Variants in NPHP1 observed in about 807,000 individuals in gnomAD.
NPHP1 encodes the protein nephrocystin-1.
NPHP1 carries 70 observed loss-of-function variants against 90.4 expected under a neutral mutation model. That is an observed-to-expected ratio of 0.77 (90% CI 0.64 to 0.95). The LOEUF (loss-of-function observed/expected upper bound fraction) is 0.95. NPHP1 is among the 40% of genes least tolerant of loss of function. The probability of loss-of-function intolerance (pLI) is 0.00; values close to 1 mark genes in which losing one functional copy is unlikely to be tolerated. For missense variants in NPHP1, 764 were observed against 795.9 expected (o/e 0.96, Z 0.48); for synonymous variants, 256 against 271.7 (o/e 0.94, Z 0.57).
chr2:110,176,093 C>A (rs1205552710), intron 4 of NPHP1, among the ~76,000 whole-genome samples: 1 of 151,972 alleles, frequency 6.6e-6, no homozygotes, highest in Non-Finnish European at 1.5e-5. Context: ...CTCTATTCAT[C>A]TTATCAATCT....
chr2:110,123,986 GC>G lies in NPHP1; in HGVS notation c.1838del (p.Arg613ProfsTer60). 1 of 1,614,106 alleles carries G rather than the reference GC, an allele frequency of 6.2e-7. No individual in the cohort carries two copies. The highest frequency in any genetic ancestry group is 8.5e-7 in the Non-Finnish European group (1 of 1,179,938). On this transcript the variant is annotated frameshift_variant, in exon 20 of 20. Coordinates refer to ENST00000445609, the MANE Select transcript of NPHP1 (RefSeq NM_001128178.3). LOFTEE classifies it high-confidence loss of function. Reference protein sequence around the residue: ...DCVLPLLHSTRLPPFRWAEEE... With the variant: ...DCVLPLLHSTXLPPFRWAEEE... The stretch of plus-strand genomic sequence containing the variant: ...CTTCTGCCCACCTGAATGGGGGTAG[GC>G]GTGTGGAGTGGAGAAGTGGGAGCAC...
intron 6 of NPHP1, among the ~76,000 whole-genome samples, chr2:110,167,549 A>G (rs1682803923): frequency 6.6e-6 from 1 of 152,140 alleles, no homozygotes; most frequent in South Asian, 2.1e-4. Flanking sequence ...ACCCCCAACC[A>G]ATACCTCACT....
rs1325432866 is a variant in NPHP1, at chr2:110,165,060, A to C, written c.720T>G (p.Val240=). The change falls in exon 7 of 20, where the codon GTT becomes GTG. Residue 240 remains valine (V), a synonymous_variant. Coordinates refer to ENST00000445609, the MANE Select transcript of NPHP1 (RefSeq NM_001128178.3). ...AVDETADGAE[V]KQRTDPHWSA... is the part of the protein sequence containing the mutation. ...CTTTCCCACTTTTGTACCTTTGCTT[A>C]ACTTCTGCTCCATCTGCTGTTTCAT... 4.3e-6 allele frequency: 7 copies of C among 1,612,658 alleles called. No homozygotes were observed. The highest frequency in any genetic ancestry group is 5.1e-6 in the Non-Finnish European group (6 of 1,178,736).
At chr2:110,131,860 A>T in intron 16 of NPHP1, 69 bp from the exon 17 acceptor site, 2 of 1,027,912 alleles carry the variant, frequency 1.9e-6, no homozygotes, top group Non-Finnish European at 3.0e-6. Flanking sequence ...GTTTTGATGT[A>T]TATTACTTTA....
At chr2:110,167,226 C>G (rs1417645426) in intron 6 of NPHP1, among the ~76,000 whole-genome samples, 1 of 151,892 alleles carries the variant, frequency 6.6e-6, no homozygotes, top group Non-Finnish European at 1.5e-5. Context: ...TCAAGAGTCC[C>G]CTTCAGTCAC....
chr2:110,160,780 TA>T (rs1212156497), intron 10 of NPHP1, among the ~76,000 whole-genome samples: 1 of 152,208 alleles, frequency 6.6e-6, no homozygotes. Context: ...TGTGAGTAAA[TA>T]AATTGGCATT....
Position 110,131,749 on chromosome 2 carries a change from G to A in NPHP1, c.1572C>T (p.His524=). Residue 524 remains histidine, a synonymous_variant, in exon 17 of 20, where the codon CAC becomes CAT. Coordinates refer to ENST00000445609, the MANE Select transcript of NPHP1 (RefSeq NM_001128178.3). ...GAATTTGTCGATAAAATATCAACAA[G>A]TGAATAGAACACATATTTCCAATTA... ...ETLIGNMCSI[H]LLIFYRQILG... is the part of the protein sequence containing the mutation. The A allele has an allele frequency of 6.2e-7, 1 of 1,612,590 alleles. No homozygotes were observed. Among genetic ancestry groups the A allele is most frequent in the South Asian group, 1.1e-5 (1 of 91,020 alleles).
intron 9 of NPHP1, among the ~76,000 whole-genome samples, chr2:110,162,616 T>C (rs759692051): frequency 6.6e-6 from 1 of 152,154 alleles, no homozygotes; most frequent in Non-Finnish European, 1.5e-5. Context: ...CAAATGGAGA[T>C]AATTCTTTGG....
At position 110,169,861 on chromosome 2, in the gene NPHP1, T is replaced by G; in HGVS notation, c.467A>C (p.Glu156Ala). Residue 156 changes from glutamate (E) to alanine (A), a missense_variant, in exon 5 of 20, where the codon GAA becomes GCA. Glu to Ala is a moderately radical substitution (Grantham distance 107, BLOSUM62 -1). Coordinates refer to ENST00000445609, the MANE Select transcript of NPHP1 (RefSeq NM_001128178.3). ...NESHKWSTGE[E>A]YIAVGDFTAQ... ...AGTAAAATCTCCAACAGCGATGTAT[T>G]CTTCACCGGTTGACCATTTGTGAGA... 1 of 1,613,750 alleles carries G rather than the reference T, an allele frequency of 6.2e-7. No individual in the cohort carries two copies. The highest frequency in any genetic ancestry group is 8.5e-7 in the Non-Finnish European group (1 of 1,179,762).
chr2:110,160,900 C>T (rs1439988887), intron 10 of NPHP1, among the ~76,000 whole-genome samples: 1 of 152,116 alleles, frequency 6.6e-6, no homozygotes, highest in Non-Finnish European at 1.5e-5. Context: ...GGACTGGTGG[C>T]TCACACTTGT....
rs1159096249 is a variant in NPHP1, at chr2:110,124,157, T to C, written c.1762-94A>G. The C allele has an allele frequency of 6.5e-5, 93 of 1,440,704 alleles. 1 individual carries two copies. Among genetic ancestry groups the C allele is most frequent in the East Asian group, 4.6e-5 (2 of 43,574 alleles). 89.2% of individuals were successfully genotyped at this position (1,440,704 alleles called of 1,614,324 possible). On this transcript the variant is annotated intron_variant, in intron 19 of 19. Coordinates refer to ENST00000445609, the MANE Select transcript of NPHP1 (RefSeq NM_001128178.3). ...ACTAAAAGCCACCTAAGAGGTAGGA[T>C]GGAGGGTGCCATTAGTGCCTGGCAG...
chr2:110,128,762 A>C, intron 18 of NPHP1: 1 of 207,002 alleles, frequency 4.8e-6, no homozygotes, highest in Admixed American at 5.3e-5. Flanking sequence ...AAAATTGGAG[A>C]TTTCATACGA....
rs575135245 is a variant in NPHP1, at chr2:110,177,404, C to T, written c.329+1019G>A. 1.1e-4 allele frequency among the ~76,000 whole-genome samples: 17 copies of T among 152,148 alleles called. No homozygotes were observed. In the East Asian group the frequency reaches 2.9e-3, roughly 26 times the overall value. The stretch of plus-strand genomic sequence containing the variant: ...ATAACTGATTTTTTTCTTTTGCTTC[C>T]CACAAATTGGGTTTGTTCGTACAGG... On this transcript the variant is annotated intron_variant, in intron 4 of 19. Transcript: ENST00000445609.
intron 3 of NPHP1, 147 bp from the exon 4 acceptor site, chr2:110,178,694 T>A: frequency 1.5e-6 from 1 of 669,526 alleles, no homozygotes; most frequent in South Asian, 2.2e-5. Flanking sequence ...AAATTAGATT[T>A]AAAAGAAACA....
At chr2:110,154,395 T>G (rs1365121470) in intron 11 of NPHP1, among the ~76,000 whole-genome samples, 1 of 151,796 alleles carries the variant, frequency 6.6e-6, no homozygotes, top group Non-Finnish European at 1.5e-5. Flanking sequence ...GGACCAGGAG[T>G]AGGGTGTTGC....
At chr2:110,166,457 A>G (rs1000775548) in intron 6 of NPHP1, among the ~76,000 whole-genome samples, 3 of 152,224 alleles carry the variant, frequency 2.0e-5, no homozygotes, top group Non-Finnish European at 4.4e-5. Context: ...AATGAGCAAC[A>G]GTTGAAAGTT....
chr2:110,136,062 T>C (rs1026850382), intron 16 of NPHP1, among the ~76,000 whole-genome samples: 1 of 152,050 alleles, frequency 6.6e-6, no homozygotes, highest in African/African-American at 2.4e-5. Flanking sequence ...ACAGAACCAA[T>C]GACAAAAACC....
intron 16 of NPHP1, among the ~76,000 whole-genome samples, chr2:110,139,804 G>A (rs1477213749): frequency 6.6e-6 from 1 of 152,176 alleles, no homozygotes; most frequent in East Asian, 1.9e-4. Context: ...GAGGATAGAG[G>A]CGGGGCGTGC....
intron 13 of NPHP1, 60 bp downstream of exon 13, chr2:110,147,856 A>AT (rs1681175607): frequency 5.0e-6 from 5 of 1,000,532 alleles, no homozygotes; most frequent in Non-Finnish European, 8.0e-6. Context: ...CAATAGACAC[A>AT]TTTTTTAACC....
Sources: gnomAD v4.1 joint callset for allele counts (sites outside exome capture counted in the v4.1 genomes callset) on GRCh38, gnomAD v4.1.1 for gene constraint, MANE v1.5 for transcripts, NCBI Gene and HGNC (gene_info 2026-07-23, HGNC 2026-07-21) for gene names.